Variants in SNX29 observed in about 807,000 individuals in gnomAD.
The protein encoded by SNX29 is sorting nexin-29.
In SNX29, 78 loss-of-function variants were observed where a neutral mutation model predicts 102.1. That is an observed-to-expected ratio of 0.76 (90% CI 0.64 to 0.92). The LOEUF is 0.92. Ranked by LOEUF, SNX29 falls within the 40% of genes least tolerant of loss-of-function variation. The pLI is 0.00. For missense variants in SNX29, 1,280 were observed against 1,061.7 expected (o/e 1.21, Z -2.86); for synonymous variants, 580 against 414.5 (o/e 1.40, Z -4.85).
intron 9 of SNX29, among the ~76,000 whole-genome samples, chr16:12,065,437 A>G (rs1383877941): frequency 6.6e-6 from 1 of 152,194 alleles, no homozygotes; most frequent in Admixed American, 6.5e-5. Context: ...TCCTGTGTTT[A>G]GTATTGGGTT....
chr16:11,993,566 T>C (rs1349439972), intron 1 of SNX29, among the ~76,000 whole-genome samples: 4 of 152,150 alleles, frequency 2.6e-5, no homozygotes, highest in Non-Finnish European at 2.9e-5. Flanking sequence ...CAATACAATT[T>C]CCCTCATTTT....
At chr16:12,387,266 A>G (rs971070123) in intron 16 of SNX29, among the ~76,000 whole-genome samples, 4 of 152,156 alleles carry the variant, frequency 2.6e-5, no homozygotes, top group African/African-American at 9.7e-5. Context: ...CTTGTTCCTC[A>G]TCACACAACC....
intron 19 of SNX29, among the ~76,000 whole-genome samples, chr16:12,486,742 G>A (rs1483644344): frequency 1.3e-5 from 2 of 152,130 alleles, no homozygotes; most frequent in Non-Finnish European, 2.9e-5. Context: ...GAGAGCAGGG[G>A]GCGGGTGAGG....
chr16:12,026,401 TCTC>T (rs1275397867), intron 3 of SNX29, among the ~76,000 whole-genome samples: 2 of 152,352 alleles, frequency 1.3e-5, no homozygotes, highest in Admixed American at 1.3e-4. Context: ...CTCACTGTCA[TCTC>T]CTCAGAGCCT....
chr16:12,262,279 A>G (rs1223406340), intron 14 of SNX29, among the ~76,000 whole-genome samples: 1 of 152,228 alleles, frequency 6.6e-6, no homozygotes, highest in African/African-American at 2.4e-5. Context: ...TTGGTTTGAT[A>G]AATGAGGAGA....
At chr16:12,553,599 C>G (rs1254413666) in intron 20 of SNX29, among the ~76,000 whole-genome samples, 3 of 124,436 alleles carry the variant, frequency 2.4e-5, no homozygotes, top group Admixed American at 9.1e-5. Context: ...CCCCACCCCC[C>G]ACCCCTGCAA....
At chr16:12,503,569 G>A (rs993519899) in intron 19 of SNX29, among the ~76,000 whole-genome samples, 12 of 152,202 alleles carry the variant, frequency 7.9e-5, no homozygotes, top group African/African-American at 2.7e-4. Context: ...TAGCAAAGTC[G>A]TGAGAGGAAT....
intron 19 of SNX29, among the ~76,000 whole-genome samples, chr16:12,494,415 A>G (rs999437794): frequency 2.0e-5 from 3 of 152,294 alleles, no homozygotes; most frequent in South Asian, 2.1e-4. Flanking sequence ...AGAGACGGGC[A>G]TGGCCTCTTG....
intron 13 of SNX29, among the ~76,000 whole-genome samples, chr16:12,186,681 C>T (rs1409038662): frequency 6.6e-6 from 1 of 152,228 alleles, no homozygotes; most frequent in Non-Finnish European, 1.5e-5. Context: ...ATCTGGGGAA[C>T]ACCTCCACAG....
At chr16:12,364,460 T>C (rs2082403228) in intron 16 of SNX29, among the ~76,000 whole-genome samples, 1 of 151,934 alleles carries the variant, frequency 6.6e-6, no homozygotes, top group African/African-American at 2.4e-5. Flanking sequence ...ACTCTTATTA[T>C]GTTTTTCCCC....
intron 20 of SNX29, among the ~76,000 whole-genome samples, chr16:12,562,160 G>A (rs1598070687): frequency 6.6e-6 from 1 of 152,168 alleles, no homozygotes; most frequent in South Asian, 2.1e-4. Context: ...GGTCTGTGGA[G>A]TAAGATTGAG....
At chr16:12,276,690 T>C (rs1252376225) in intron 14 of SNX29, among the ~76,000 whole-genome samples, 1 of 152,182 alleles carries the variant, frequency 6.6e-6, no homozygotes, top group African/African-American at 2.4e-5. Flanking sequence ...GCTGTGGATG[T>C]TTTTCTTTGC....
intron 13 of SNX29, among the ~76,000 whole-genome samples, chr16:12,174,752 G>T (rs1248016241): frequency 6.6e-6 from 1 of 152,168 alleles, no homozygotes; most frequent in East Asian, 1.9e-4. Context: ...AGATTAGGAG[G>T]TTATCAAATG....
chr16:12,536,558 C>A (rs182910684), intron 20 of SNX29, among the ~76,000 whole-genome samples: 1 of 152,286 alleles, frequency 6.6e-6, no homozygotes, highest in East Asian at 1.9e-4. Context: ...ATAGCCCCTA[C>A]CTCAGAAAGT....
At chr16:12,200,630 C>T (rs1300149681) in intron 14 of SNX29, among the ~76,000 whole-genome samples, 1 of 152,080 alleles carries the variant, frequency 6.6e-6, no homozygotes, top group Non-Finnish European at 1.5e-5. Context: ...TTACAGGTAT[C>T]TGCCACCATG....
At chr16:12,042,387 C>T (rs570207331) in intron 4 of SNX29, among the ~76,000 whole-genome samples, 17 of 152,230 alleles carry the variant, frequency 1.1e-4, no homozygotes, top group Admixed American at 3.9e-4. Flanking sequence ...GGGTACATTG[C>T]GTGATGCCGA....
intron 19 of SNX29, among the ~76,000 whole-genome samples, chr16:12,478,451 G>T (rs1396089526): frequency 1.3e-5 from 2 of 152,236 alleles, no homozygotes; most frequent in Admixed American, 1.3e-4. Flanking sequence ...AATGATTTAT[G>T]ATGACCCAAT....
chr16:12,307,916 T>C (rs548418284), intron 15 of SNX29, among the ~76,000 whole-genome samples: 58 of 151,798 alleles, frequency 3.8e-4, no homozygotes, highest in African/African-American at 1.4e-3. Flanking sequence ...AGAGAAGAGG[T>C]GGGCTTCCTC....
At chr16:12,199,772 C>G (rs574291349) in intron 14 of SNX29, 89 bp downstream of exon 14, 1 of 1,081,040 alleles carries the variant, frequency 9.3e-7, no homozygotes, top group East Asian at 2.6e-5. Context: ...CAATGTGTGA[C>G]GAGTGCATAT....
Sources: allele counts gnomAD v4.1 joint callset (sites outside exome capture counted in the v4.1 genomes callset), GRCh38; gene constraint gnomAD v4.1.1; transcripts MANE v1.5; gene names NCBI Gene and HGNC (gene_info 2026-07-23, HGNC 2026-07-21).